HEATR4: variants seen among roughly 807,000 people sequenced by gnomAD.
The protein encoded by HEATR4 is HEAT repeat containing 4, also known as HEAT repeat-containing protein 4.
HEATR4 carries 95 observed loss-of-function variants against 108.8 expected under a neutral mutation model. That is an observed-to-expected ratio of 0.87 (90% CI 0.74 to 1.04). The LOEUF is 1.04. Among genes scored for constraint, HEATR4 ranks in the 50% least tolerant of loss-of-function variants. The pLI, the probability that HEATR4 is intolerant of heterozygous loss-of-function variation, is 0.00. For synonymous variants in HEATR4, 443 were observed against 459.4 expected (o/e 0.96, Z 0.46); for missense variants, 1,152 against 1,253.8 (o/e 0.92, Z 1.23).
At chr14:73,479,991 A>G (rs961236688) in intron 17 of HEATR4, among the ~76,000 whole-genome samples, 2 of 152,248 alleles carry the variant, frequency 1.3e-5, no homozygotes, top group African/African-American at 2.4e-5. Flanking sequence ...AGAGTTCGAT[A>G]TATGTTCACT....
chr14:73,594,242 C>A, the HEATR4 span, among the ~76,000 whole-genome samples: 1 of 152,110 alleles, frequency 6.6e-6, no homozygotes, highest in Admixed American at 6.6e-5. Flanking sequence ...ACTTGTCCAC[C>A]CCTTTCAGAA....
upstream of HEATR4, among the ~76,000 whole-genome samples, chr14:73,561,907 C>T (rs1889535552): frequency 6.6e-6 from 1 of 152,034 alleles, no homozygotes; most frequent in Non-Finnish European, 1.5e-5. Context: ...ATTGCTTGCA[C>T]CTGGGTGTTG....
At chr14:73,598,025 G>C in the HEATR4 span, among the ~76,000 whole-genome samples, 5,986 of 151,158 alleles carry the variant, frequency 0.04, 175 homozygotes, top group South Asian at 0.097. Flanking sequence ...CACCAGGCTT[G>C]TTTATGGTAA....
At chr14:73,488,793 T>C (rs1263376443) in intron 17 of HEATR4, among the ~76,000 whole-genome samples, 4 of 152,066 alleles carry the variant, frequency 2.6e-5, no homozygotes, top group Non-Finnish European at 4.4e-5. Flanking sequence ...GAGGCCGAGA[T>C]AGGTGGATCA....
rs1412070451 is a variant in HEATR4 at position 73,521,041 on chromosome 14, T to C, written c.882-2A>G. 6.2e-7 allele frequency: 1 copy of C among 1,612,302 alleles called. No homozygotes were observed. The highest frequency in any genetic ancestry group is 8.5e-7 in the Non-Finnish European group (1 of 1,178,916). Reference sequence around the variant, plus strand: ...GCTTGTTGGAAGTAACTGGGCAATCTTGGCAGGGGTGAGAAAGGAGGGAAA... The same window carrying C: ...GCTTGTTGGAAGTAACTGGGCAATCCTGGCAGGGGTGAGAAAGGAGGGAAA... On this transcript the variant is annotated splice_acceptor_variant, in intron 3 of 17. Transcript: ENST00000553558. LOFTEE classifies it high-confidence loss of function.
chr14:73,534,303 C>T (rs1385767698), intron 1 of HEATR4, among the ~76,000 whole-genome samples: 4 of 109,512 alleles, frequency 3.7e-5, no homozygotes, highest in African/African-American at 9.0e-5. Flanking sequence ...CACTGGAACC[C>T]GGGAGCCAGA....
Position 73,492,497 on chromosome 14 carries a change from G to C in HEATR4, c.2844+569C>G, listed in dbSNP as rs758170691. 4 of 1,613,586 alleles carry C rather than the reference G, an allele frequency of 2.5e-6. No individual in the cohort carries two copies. The Admixed American group carries it at 5.0e-5, about 20-fold the overall frequency. On this transcript the variant is annotated intron_variant, in intron 17 of 17. Coordinates refer to ENST00000553558, the MANE Select transcript of HEATR4 (RefSeq NM_001220484.1). This position sits in a 1 kb window ranked among gnomAD's most constrained non-coding sequence, Gnocchi z 4.9. ...TGCCCGCCTGGGACACTTTGCTCCT[G>C]TTGATGCTGTGGCCGACCAGCGAGC...
intron 1 of HEATR4, among the ~76,000 whole-genome samples, chr14:73,540,356 T>C (rs937776440): frequency 5.0e-5 from 7 of 139,230 alleles, no homozygotes; most frequent in African/African-American, 1.8e-4. Flanking sequence ...GATTAATAAA[T>C]TGAGGTATAT....
At chr14:73,478,908 A>T in intron 17 of HEATR4, 66 bp from the exon 18 acceptor site, 1 of 1,233,248 alleles carries the variant, frequency 8.1e-7, no homozygotes, top group Non-Finnish European at 1.1e-6. Flanking sequence ...GCAGAGCCCA[A>T]GTGAAGGCCT....
At chr14:73,624,761 G>A in the HEATR4 span, among the ~76,000 whole-genome samples, 1 of 152,192 alleles carries the variant, frequency 6.6e-6, no homozygotes, top group Non-Finnish European at 1.5e-5. Flanking sequence ...GCAGCCTGGG[G>A]TTTCTGTCTA....
intron 17 of HEATR4, among the ~76,000 whole-genome samples, chr14:73,482,721 A>G (rs1026236599): frequency 1.3e-5 from 2 of 152,174 alleles, no homozygotes; most frequent in African/African-American, 2.4e-5. Flanking sequence ...CAATGGTGCA[A>G]TCTCGGCTCA....
chr14:73,510,893 G>T (rs1887210715), intron 7 of HEATR4, among the ~76,000 whole-genome samples: 1 of 152,218 alleles, frequency 6.6e-6, no homozygotes, highest in Non-Finnish European at 1.5e-5. Flanking sequence ...CAAAGGGCCT[G>T]CCTGTTATAA....
the HEATR4 span, chr14:73,575,630 C>T: frequency 1.3e-6 from 2 of 1,545,746 alleles, no homozygotes; most frequent in Non-Finnish European, 1.7e-6. Flanking sequence ...TTTTTCCCCT[C>T]ATTATTAAAA....
At chr14:73,576,816 A>AAAAAAAAAAAAAAG in the HEATR4 span, among the ~76,000 whole-genome samples, 109 of 58,148 alleles carry the variant, frequency 1.9e-3, 24 homozygotes, top group African/African-American at 2.7e-3. Context: ...AAAAAAAAAA[A>AAAAAAAAAAAAAAG]AAAAGACAAT....
At chr14:73,592,108 C>G in the HEATR4 span, 2 of 1,506,160 alleles carry the variant, frequency 1.3e-6, no homozygotes, top group South Asian at 2.6e-5. Context: ...CGGGCCCACG[C>G]GCGCTACTGC....
chr14:73,513,762 C>T (rs570077345), intron 6 of HEATR4, among the ~76,000 whole-genome samples: 31 of 130,544 alleles, frequency 2.4e-4, no homozygotes, highest in African/African-American at 8.3e-4. Flanking sequence ...AAAAAATGGT[C>T]TCTGCCTCTG....
the HEATR4 span, among the ~76,000 whole-genome samples, chr14:73,578,141 G>A: frequency 2.0e-5 from 3 of 151,446 alleles, no homozygotes; most frequent in Non-Finnish European, 2.9e-5. Context: ...GTGAGCCACC[G>A]CCCCTGGCAA....
At chr14:73,496,125 C>A (rs577076344) in intron 15 of HEATR4, among the ~76,000 whole-genome samples, 3 of 151,794 alleles carry the variant, frequency 2.0e-5, no homozygotes, top group Non-Finnish European at 4.4e-5. Context: ...GCGAGACTGT[C>A]CCCCCCTCAA....
chr14:73,595,472 A>C, the HEATR4 span: 1 of 1,614,032 alleles, frequency 6.2e-7, no homozygotes, highest in Admixed American at 1.7e-5. Flanking sequence ...TGGGCATTAC[A>C]TCGAGCCTCC....
Sources: gnomAD v4.1 joint callset for allele counts (sites outside exome capture counted in the v4.1 genomes callset) on GRCh38, gnomAD v4.1.1 for gene constraint, Gnocchi (gnomAD v3.1) non-coding constraint, MANE v1.5 for transcripts, NCBI Gene and HGNC (gene_info 2026-07-23, HGNC 2026-07-21) for gene names.